Variants in STAG3 observed in about 807,000 individuals in gnomAD.
STAG3 encodes the protein cohesin subunit SA-3.
In STAG3, 101 loss-of-function variants were observed where a neutral mutation model predicts 160.7. That is an observed-to-expected ratio of 0.63 (90% confidence interval 0.54 to 0.74). The LOEUF (loss-of-function observed/expected upper bound fraction) is 0.74. Among genes scored for constraint, STAG3 ranks in the 30% least tolerant of loss-of-function variants. STAG3 has a pLI of 0.00. For synonymous variants in STAG3, 519 were observed against 585.0 expected (o/e 0.89, Z 1.63); for missense variants, 1,188 against 1,517.4 (o/e 0.78, Z 3.61).
At chr7:100,179,986 C>T (rs1282821661) in intron 1 of STAG3, among the ~76,000 whole-genome samples, 5 of 152,178 alleles carry the variant, frequency 3.3e-5, no homozygotes, top group African/African-American at 9.7e-5. Context: ...CTGCCTGCCT[C>T]GACCTCCCAA....
intron 8 of STAG3, among the ~76,000 whole-genome samples, chr7:100,192,406 C>T (rs1800395889): frequency 6.6e-6 from 1 of 152,142 alleles, no homozygotes; most frequent in South Asian, 2.1e-4. Flanking sequence ...TGCTTGTAAT[C>T]CCAGCTACTT....
In STAG3 at chr7:100,186,273, T is replaced by A; in HGVS notation, c.410T>A (p.Phe137Tyr). 1 of 1,614,146 alleles carries A rather than the reference T, an allele frequency of 6.2e-7. No individual in the cohort carries two copies. ...DAGFLELVNF[F>Y]IQSCGCKGIV... ...GGATTTCTGGAGCTTGTTAACTTTT[T>A]CATCCAATCTTGCGGATGTAAAGGT... The change falls in exon 5 of 34, where the codon TTC becomes TAC. Residue 137 changes from phenylalanine (F) to tyrosine (Y), a missense_variant. By Grantham distance (22) the Phe-to-Tyr change is conservative. This residue lies in a region of STAG3 where 296 missense variants were observed against 404.0 expected (regional missense o/e 0.73). Transcript: ENST00000615138.
rs747974914 is a variant in STAG3 at position 100,195,331 on chromosome 7, T to C, written c.890T>C (p.Ile297Thr). Reference protein sequence around the residue: ...RKELQEHQEEIEGMMNALFRG... With the variant: ...RKELQEHQEETEGMMNALFRG... ...CAGCTCCAAGAGCATCAAGAGGAGATTGAGGGGATGATGAATGCCCTCTTC... is the reference window on the plus strand; with the variant it reads ...CAGCTCCAAGAGCATCAAGAGGAGACTGAGGGGATGATGAATGCCCTCTTC... Residue 297 changes from isoleucine to threonine, a missense_variant, in exon 9 of 34, where the codon ATT becomes ACT. Coordinates refer to ENST00000615138, the MANE Select transcript of STAG3 (RefSeq NM_001282717.2). 2 of 1,614,160 alleles carry C rather than the reference T, an allele frequency of 1.2e-6. No homozygotes were observed. The highest frequency in any genetic ancestry group is 4.5e-5 in the East Asian group (2 of 44,888).
At chr7:100,185,972 A>T (rs947016809) in intron 4 of STAG3, among the ~76,000 whole-genome samples, 5 of 152,240 alleles carry the variant, frequency 3.3e-5, no homozygotes, top group African/African-American at 1.2e-4. Flanking sequence ...CCAGGGATTA[A>T]TGAAACCTTT....
chr7:100,213,374 CAGAAT>C lies in STAG3; in HGVS notation c.3601-356_3601-352del, dbSNP rs572993890. 409 of 985,114 alleles carry C rather than the reference CAGAAT, an allele frequency of 4.2e-4. 3 individuals are homozygous for C. Among genetic ancestry groups the C allele is most frequent in the African/African-American group, 3.0e-3 (170 of 57,350 alleles). The allele number at this position is 985,114 out of a possible 1,614,324, so 61.0% of individuals were successfully genotyped here. On this transcript the variant is annotated intron_variant, in intron 32 of 33. Transcript: ENST00000615138. ...CTTCTCTGCAGGGAAGGAAAAAGAA[CAGAAT>C]AGAACAGAACAGGGGAGTCTTGTGC... is the stretch of plus-strand genomic sequence containing the variant.
At chr7:100,184,685 C>T (rs1261229761) in intron 4 of STAG3, among the ~76,000 whole-genome samples, 1 of 151,996 alleles carries the variant, frequency 6.6e-6, no homozygotes, top group Non-Finnish European at 1.5e-5. Context: ...CCGGGATGGT[C>T]TCGATCTTTT....
intron 26 of STAG3, 93 bp downstream of exon 26, chr7:100,204,215 G>C: frequency 1.0e-6 from 1 of 966,614 alleles, no homozygotes; most frequent in Non-Finnish European, 1.6e-6. Flanking sequence ...CTTCAGAGCA[G>C]TAACTTTTCT....
At chr7:100,188,345 C>T (rs1800155414) in intron 5 of STAG3, 108 bp from the exon 6 acceptor site, 2 of 826,106 alleles carry the variant, frequency 2.4e-6, no homozygotes, top group Non-Finnish European at 2.2e-6. Flanking sequence ...TCATTCCCCA[C>T]CTAAGCTCTT....
At position 100,200,972 on chromosome 7, in the gene STAG3, A is replaced by G. The variant is rs756717881; in HGVS notation, c.2061+3A>G. 5.0e-6 allele frequency: 8 copies of G among 1,614,084 alleles called. No homozygotes were observed. Among genetic ancestry groups the G allele is most frequent in the Admixed American group, 1.7e-5 (1 of 60,008 alleles). On this transcript the variant is annotated splice_donor_region_variant and intron_variant, in intron 19 of 33. Transcript: ENST00000615138. ...AGGAGCTTGAAGAGCTGTTACAGGTAGGAGCTGGGGCTGGACAATGGGACA... is the reference window on the plus strand; with the variant it reads ...AGGAGCTTGAAGAGCTGTTACAGGTGGGAGCTGGGGCTGGACAATGGGACA...
chr7:100,211,096 C>T lies in STAG3; in HGVS notation c.3324C>T (p.Leu1108=). Residue 1108 remains leucine (L), a synonymous_variant, in exon 30 of 34, where the codon CTC becomes CTT. Coordinates refer to ENST00000615138, the MANE Select transcript of STAG3 (RefSeq NM_001282717.2). ...ACAGCATCCCGCCCACGCCCACCCT[C>T]ACCTCCACAGCTGTGAAGAGCAGGC... ...QLNSIPPTPT[L]TSTAVKSRQP... The T allele has an allele frequency of 6.2e-7, 1 of 1,605,500 alleles. No homozygotes were observed. Among genetic ancestry groups the T allele is most frequent in the African/African-American group, 1.3e-5 (1 of 74,794 alleles).
chr7:100,187,604 A>T (rs1212232617), intron 5 of STAG3, among the ~76,000 whole-genome samples: 1 of 151,990 alleles, frequency 6.6e-6, no homozygotes, highest in African/African-American at 2.4e-5. Flanking sequence ...GCACAGCCTG[A>T]GCCCCTTGGC....
chr7:100,180,789 C>G (rs1799596685), intron 2 of STAG3, 117 bp downstream of exon 2: 1 of 706,778 alleles, frequency 1.4e-6, no homozygotes. Context: ...AAGTGCTATA[C>G]TCGTTCAGCA....
At chr7:100,200,177 C>A in intron 16 of STAG3, 59 bp from the exon 17 acceptor site, 2 of 1,317,352 alleles carry the variant, frequency 1.5e-6, no homozygotes, top group Non-Finnish European at 2.1e-6. Flanking sequence ...GGACTGCACA[C>A]ACCCCCTGCA....
downstream of STAG3, among the ~76,000 whole-genome samples, chr7:100,216,529 G>A (rs189454980): frequency 1.6e-3 from 247 of 152,238 alleles, 1 homozygote; most frequent in African/African-American, 5.6e-3. Flanking sequence ...GGCTGGGTGC[G>A]GTGGCTCAGG....
chr7:100,217,519 AGACAC>A (rs956783914), downstream of STAG3, among the ~76,000 whole-genome samples: 6 of 77,890 alleles, frequency 7.7e-5, no homozygotes, highest in African/African-American at 1.3e-4. Flanking sequence ...GTAGAAATGA[AGACAC>A]AAGACAAAGA....
Position 100,211,509 on chromosome 7 carries a change from C to T in STAG3, c.3488C>T (p.Ser1163Leu), listed in dbSNP as rs1320503242. Residue 1163 changes from serine to leucine, a missense_variant, in exon 31 of 34, where the codon TCA (serine) becomes TTA (leucine). Ser to Leu is a moderately radical substitution (Grantham distance 145, BLOSUM62 -2). Coordinates refer to ENST00000615138, the MANE Select transcript of STAG3 (RefSeq NM_001282717.2). ...TATTTCCAGACTCCACACAACCCTT[C>T]AGGTCCTGGCCTGGGCAACCAGCTG... ...PQYFQTPHNP[S>L]GPGLGNQLMR... The T allele has an allele frequency of 3.1e-6, 5 of 1,613,798 alleles. No homozygotes were observed. The highest frequency in any genetic ancestry group is 3.3e-4 in the Middle Eastern group (2 of 6,084).
At chr7:100,190,212 G>A (rs757044382) in intron 8 of STAG3, among the ~76,000 whole-genome samples, 2 of 152,134 alleles carry the variant, frequency 1.3e-5, no homozygotes, top group African/African-American at 4.8e-5. Flanking sequence ...ATGACCACTG[G>A]GGGGCATAAG....
downstream of STAG3, among the ~76,000 whole-genome samples, chr7:100,217,607 G>A (rs1328223994): frequency 6.6e-6 from 1 of 152,090 alleles, no homozygotes; most frequent in Non-Finnish European, 1.5e-5. Flanking sequence ...GGCCCTGAAT[G>A]CCTGACCGCG....
chr7:100,211,639 A>T, intron 31 of STAG3, 100 bp downstream of exon 31: 1 of 1,469,826 alleles, frequency 6.8e-7, no homozygotes, highest in Non-Finnish European at 9.4e-7. Flanking sequence ...TGCTTTTTGG[A>T]CTTGTTTTAG....
Sources: gnomAD v4.1 joint callset for allele counts (sites outside exome capture counted in the v4.1 genomes callset) on GRCh38, gnomAD v4.1.1 for gene constraint, gnomAD v4.1.1 regional missense constraint, MANE v1.5 for transcripts, NCBI Gene and HGNC (gene_info 2026-07-23, HGNC 2026-07-21) for gene names.